EPHX3: variants seen among roughly 807,000 people sequenced by gnomAD.
The protein encoded by EPHX3 is epoxide hydrolase 3.
A neutral mutation model predicts 40.2 loss-of-function variants in EPHX3; 39 were observed. The observed-to-expected ratio is 0.97, with a 90% CI of 0.75 to 1.27. EPHX3 has a LOEUF of 1.27. Among genes scored for constraint, EPHX3 ranks in the 50% most tolerant of loss-of-function variants. EPHX3 has a pLI of 0.00. For synonymous variants in EPHX3, 213 were observed against 209.7 expected, an observed-to-expected ratio of 1.02 and a Z score of -0.14; for missense variants, 442 against 474.0, an observed-to-expected ratio of 0.93 and a Z score of 0.63.
chr19:15,229,032 C>T (rs2047133729), intron 4 of EPHX3, among the ~76,000 whole-genome samples: 1 of 151,980 alleles, frequency 6.6e-6, no homozygotes. Flanking sequence ...CCCCAAAAGA[C>T]AAAAAACTCC....
chr19:15,227,118 A>G lies in EPHX3; in HGVS notation c.*319T>C. On this transcript the variant is annotated 3_prime_UTR_variant, in exon 7 of 7. Transcript: ENST00000221730. The stretch of plus-strand genomic sequence containing the variant: ...CAGAGAAGCGACTTTGGCAAAGCGC[A>G]GAGTGAGGCCCCAGGAAGGGAGGAG... 3 of 392,640 alleles carry G rather than the reference A, an allele frequency of 7.6e-6. No individual in the cohort carries two copies. In the South Asian group the frequency reaches 8.5e-5, roughly 11 times the overall value. 24.3% of individuals were successfully genotyped at this position (392,640 alleles called of 1,614,324 possible). A position where few individuals can be genotyped will look rare whatever the true frequency, so the allele number is the denominator to read the frequency against.
upstream of EPHX3, among the ~76,000 whole-genome samples, chr19:15,234,499 C>T (rs2047177466): frequency 6.6e-6 from 1 of 152,158 alleles, no homozygotes. Flanking sequence ...AGAGAGACGA[C>T]TTGCTATATT....
rs906508829 is a variant in EPHX3, at chr19:15,231,413, G to C, written c.330-17C>G. The stretch of plus-strand genomic sequence containing the variant: ...CAGGAGAACCTGCCAGGCGGGCGAG[G>C]GAGGGAGGCTGAGTCAGGGCCCTCA... On this transcript the variant is annotated splice_polypyrimidine_tract_variant and intron_variant, in intron 2 of 6. Transcript: ENST00000221730. 3 of 1,612,098 alleles carry C rather than the reference G, an allele frequency of 1.9e-6. No individual in the cohort carries two copies. The Admixed American group carries it at 5.0e-5, about 27-fold the overall frequency.
chr19:15,230,653 A>AT (rs35540856), intron 4 of EPHX3, among the ~76,000 whole-genome samples: 54,735 of 135,060 alleles, frequency 0.41, 12,848 homozygotes, highest in Non-Finnish European at 0.53. Flanking sequence ...GGCTAATTAC[A>AT]TTTTTTTTTT....
chr19:15,234,763 T>C (rs1974226153), upstream of EPHX3, among the ~76,000 whole-genome samples: 1 of 152,198 alleles, frequency 6.6e-6, no homozygotes, highest in Non-Finnish European at 1.5e-5. Flanking sequence ...TATACCTTTG[T>C]ACTGTCAAGG....
At position 15,227,707 on chromosome 19, in the gene EPHX3, T is replaced by C. The variant is rs769983764; in HGVS notation, c.858-45A>G. On this transcript the variant is annotated intron_variant, in intron 6 of 6. Transcript: ENST00000221730. ...ACAGGCAGACAGACAGGCAGAAGGA[T>C]GGTTGCCTCCCACCCCCCTGCCCCT... is the stretch of plus-strand genomic sequence containing the variant. 3 of 1,610,444 alleles carry C rather than the reference T, an allele frequency of 1.9e-6. No individual in the cohort carries two copies. The Admixed American group carries it at 5.0e-5, about 27-fold the overall frequency.
intron 4 of EPHX3, among the ~76,000 whole-genome samples, chr19:15,229,907 A>AAAAAAAAAAAAAAAAAC (rs1203339827): frequency 2.1e-5 from 3 of 140,184 alleles, no homozygotes; most frequent in Non-Finnish European, 4.6e-5. Flanking sequence ...AAAAAAAAAA[A>AAAAAAAAAAAAAAAAAC]AAAAGAAAAG....
chr19:15,236,850 A>G (rs866431422), upstream of EPHX3: 1 of 187,344 alleles, frequency 5.3e-6, no homozygotes, highest in South Asian at 2.0e-4. Context: ...AAAAAAAGAG[A>G]GATGTGTTTA....
At chr19:15,229,610 A>AG (rs758762249) in intron 4 of EPHX3, among the ~76,000 whole-genome samples, 1,791 of 145,780 alleles carry the variant, frequency 0.012, 28 homozygotes, top group Middle Eastern at 0.018. Flanking sequence ...AAAAAAAAAA[A>AG]GGGGCCAGGC....
upstream of EPHX3, chr19:15,233,161 T>TG (rs34503575): frequency 1.4e-4 from 1 of 7,332 alleles, no homozygotes; most frequent in African/African-American, 5.1e-4. Context: ...GGCGGTGGGG[T>TG]GGGGTGGGCA....
chr19:15,232,987 A>C (rs1262269687), upstream of EPHX3: 1 of 151,776 alleles, frequency 6.6e-6, no homozygotes, highest in Non-Finnish European at 1.5e-5. Flanking sequence ...GGGCATATGC[A>C]GAGTAGGTGC....
At position 15,232,029 on chromosome 19, in the gene EPHX3, G is replaced by C. The variant is rs755614885; in HGVS notation, c.183C>G (p.Ser61Arg). Residue 61 changes from serine to arginine, a missense_variant, in exon 1 of 7, where the codon AGC becomes AGG. By Grantham distance (110) the Ser-to-Arg change is moderately radical (BLOSUM62 -1). Transcript: ENST00000221730. The part of the protein sequence containing the change: ...PRRGCCGRRR[S>R]ASPACLSDPS... ...GGTCGCTCAGGCAGGCGGGGGACGCGCTCCGACGGCGCCCGCAGCAGCCGC... is the reference window on the plus strand; with the variant it reads ...GGTCGCTCAGGCAGGCGGGGGACGCCCTCCGACGGCGCCCGCAGCAGCCGC... 1 of 1,591,210 alleles carries C rather than the reference G, an allele frequency of 6.3e-7. No homozygotes were observed. The highest frequency in any genetic ancestry group is 8.5e-7 in the Non-Finnish European group (1 of 1,174,468).
rs1404333573 is a variant in EPHX3, at chr19:15,228,093, G to T, written c.624C>A (p.Ser208=). 1.4e-5 allele frequency: 11 copies of T among 769,490 alleles called. No individual in the cohort carries two copies. The highest frequency in any genetic ancestry group is 1.4e-4 in the African/African-American group (8 of 56,184). 47.7% of individuals were successfully genotyped at this position (769,490 alleles called of 1,614,324 possible). A position where few individuals can be genotyped will look rare whatever the true frequency, so the allele number is the denominator to read the frequency against. The change falls in exon 5 of 7, where the codon TCC becomes TCA. Residue 208 remains serine, a synonymous_variant. Coordinates refer to ENST00000221730, the MANE Select transcript of EPHX3 (RefSeq NM_024794.3). The part of the protein sequence containing the change: ...GAPMSVYQDY[S]LHHISQFFRS... Reference sequence around the variant, plus strand: ...GGAAGAACTGGCTGATGTGGTGCAGGGAATAGTCTGGGGTGGGAGGGTTGG... The same window carrying T: ...GGAAGAACTGGCTGATGTGGTGCAGTGAATAGTCTGGGGTGGGAGGGTTGG...
In EPHX3 at chr19:15,227,662, C is replaced by G. The variant is rs779821895; in HGVS notation, c.858G>C (p.Arg286Ser). ...GPLNYYRNLF[R>S]NFPLEPQELT... is the part of the protein sequence containing the mutation. ...GCTCCTGGGGTTCCAGGGGGAAGTTCCTGTGGCCAGGACAGACAGACAGGC... is the reference window on the plus strand; with the variant it reads ...GCTCCTGGGGTTCCAGGGGGAAGTTGCTGTGGCCAGGACAGACAGACAGGC... Residue 286 changes from arginine (R) to serine (S), a missense_variant and splice_region_variant, in exon 7 of 7, where the codon AGG (arginine) becomes AGC (serine). Physicochemically the swap from Arg to Ser is moderately radical, Grantham distance 110. Transcript: ENST00000221730. 2.1e-5 allele frequency: 34 copies of G among 1,613,920 alleles called. No homozygotes were observed. Among genetic ancestry groups the G allele is most frequent in the Non-Finnish European group, 2.9e-5 (34 of 1,179,936 alleles).
rs755331544 is a variant in EPHX3 at position 15,231,953 on chromosome 19, G to T, written c.243+16C>A. On this transcript the variant is annotated intron_variant, in intron 1 of 6. Coordinates refer to ENST00000221730, the MANE Select transcript of EPHX3 (RefSeq NM_024794.3). ...CACGCGACCCCGCAGCCCCGATAGC[G>T]CCCCCGTGCGATCACCTTGAGGTTC... 1.9e-6 allele frequency: 3 copies of T among 1,612,308 alleles called. No homozygotes were observed. Among genetic ancestry groups the T allele is most frequent in the Non-Finnish European group, 2.5e-6 (3 of 1,179,778 alleles).
In EPHX3 at chr19:15,227,489, G is replaced by C. The variant is rs1050198027; in HGVS notation, c.1031C>G (p.Pro344Arg). 2.5e-6 allele frequency: 4 copies of C among 1,614,066 alleles called. No individual in the cohort carries two copies. The African/African-American group carries it at 5.3e-5, about 22-fold the overall frequency. ...GIGHWIPQSN[P>R]QEMHQYMWAF... is the part of the protein sequence containing the mutation. ...CCACATGTACTGGTGCATCTCCTGG[G>C]GGTTGCTCTGTGGGATCCAATGCCC... Residue 344 changes from proline to arginine, a missense_variant, in exon 7 of 7, where the codon CCC (proline) becomes CGC (arginine). Transcript: ENST00000221730.
At chr19:15,231,202 G>A (rs2047151197) in intron 3 of EPHX3, 37 bp downstream of exon 3, 11 of 1,613,302 alleles carry the variant, frequency 6.8e-6, no homozygotes, top group Non-Finnish European at 9.3e-6. Context: ...TGTGCAGGAT[G>A]AGGGAGGCCA....
intron 2 of EPHX3, 112 bp from the exon 3 acceptor site, chr19:15,231,508 A>C (rs2047154159): frequency 2.2e-6 from 3 of 1,367,080 alleles, no homozygotes; most frequent in Admixed American, 2.3e-5. Flanking sequence ...AACTTCCCCT[A>C]AAAGGAGGAT....
chr19:15,234,753 T>TA (rs553823819), upstream of EPHX3, among the ~76,000 whole-genome samples: 23 of 152,270 alleles, frequency 1.5e-4, no homozygotes, highest in South Asian at 4.4e-3. Context: ...CTTTTATCCA[T>TA]ATACCTTTGT....
Sources: allele counts gnomAD v4.1 joint callset (sites outside exome capture counted in the v4.1 genomes callset), GRCh38; gene constraint gnomAD v4.1.1; transcripts MANE v1.5; gene names NCBI Gene and HGNC (gene_info 2026-07-23, HGNC 2026-07-21).